Variants in OTULINL observed in about 807,000 individuals in gnomAD.
OTULINL encodes the protein inactive ubiquitin thioesterase OTULINL.
OTULINL carries 42 observed loss-of-function variants against 43.9 expected under a neutral mutation model. That is an observed-to-expected ratio of 0.96 (90% CI 0.75 to 1.24). The LOEUF (loss-of-function observed/expected upper bound fraction) is 1.24, where lower values mean the gene tolerates loss of function less well. Among genes scored for constraint, OTULINL ranks in the 50% most tolerant of loss-of-function variants. The pLI is 0.00. For synonymous variants in OTULINL, 172 were observed against 153.6 expected, an observed-to-expected ratio of 1.12 and a Z score of -0.88; for missense variants, 411 against 426.4, an observed-to-expected ratio of 0.96 and a Z score of 0.32.
intron 1 of OTULINL, 123 bp downstream of exon 1, chr5:14,582,081 T>G: frequency 3.4e-6 from 2 of 583,574 alleles, no homozygotes; most frequent in East Asian, 1.1e-4. Flanking sequence ...TGTTGGGGGC[T>G]GGGAATCCTG....
At chr5:14,598,666 A>T (rs1404395820) in intron 1 of OTULINL, among the ~76,000 whole-genome samples, 4 of 152,212 alleles carry the variant, frequency 2.6e-5, no homozygotes, top group Non-Finnish European at 4.4e-5. Flanking sequence ...AGCTGTGATC[A>T]TGCCACTGTG....
At chr5:14,588,317 AG>A (rs760109924) in intron 1 of OTULINL, among the ~76,000 whole-genome samples, 34 of 152,246 alleles carry the variant, frequency 2.2e-4, no homozygotes, top group Non-Finnish European at 3.8e-4. Flanking sequence ...GTTTGCTCAC[AG>A]GGGAGGAAGC....
At chr5:14,590,504 C>T (rs1359896401) in intron 1 of OTULINL, among the ~76,000 whole-genome samples, 1 of 152,174 alleles carries the variant, frequency 6.6e-6, no homozygotes, top group African/African-American at 2.4e-5. Context: ...CACTGGTCTC[C>T]CTTTAGGAGA....
chr5:14,589,663 G>A (rs1354381440), intron 1 of OTULINL, among the ~76,000 whole-genome samples: 1 of 152,180 alleles, frequency 6.6e-6, no homozygotes, highest in Non-Finnish European at 1.5e-5. Flanking sequence ...TAATTTCAGA[G>A]AAGTTGGCCA....
At chr5:14,603,697 T>TC (rs2126782203) in intron 5 of OTULINL, among the ~76,000 whole-genome samples, 1 of 152,314 alleles carries the variant, frequency 6.6e-6, no homozygotes, top group African/African-American at 2.4e-5. Context: ...TCTTGAGAGT[T>TC]CTTTATTCTG....
chr5:14,606,999 C>T (rs910275645), intron 5 of OTULINL, among the ~76,000 whole-genome samples: 3 of 152,136 alleles, frequency 2.0e-5, no homozygotes, highest in East Asian at 1.9e-4. Context: ...GAGGCCAAGG[C>T]GGGCAGATTG....
chr5:14,586,525 A>C lies in OTULINL; in HGVS notation c.64+4567A>C, dbSNP rs578199703. Reference sequence around the variant, plus strand: ...GCACATAAAATGCTATGCTTGATGAATCTCTAAATTAAGAATTTAATAGTA... The same window carrying C: ...GCACATAAAATGCTATGCTTGATGACTCTCTAAATTAAGAATTTAATAGTA... On this transcript the variant is annotated intron_variant, in intron 1 of 7. Transcript: ENST00000274217. Among the ~76,000 whole-genome samples, 14 of 152,362 alleles carry C rather than the reference A, an allele frequency of 9.2e-5. No homozygotes were observed. The South Asian group carries it at 1.9e-3, about 20-fold the overall frequency.
At chr5:14,604,641 A>C (rs549691640) in intron 5 of OTULINL, among the ~76,000 whole-genome samples, 1 of 152,350 alleles carries the variant, frequency 6.6e-6, no homozygotes, top group East Asian at 1.9e-4. Context: ...ACCTAGATGC[A>C]GTGGGGATAC....
intron 5 of OTULINL, among the ~76,000 whole-genome samples, chr5:14,602,718 G>A (rs1189121798): frequency 1.3e-5 from 2 of 152,166 alleles, no homozygotes; most frequent in Non-Finnish European, 2.9e-5. Context: ...TTATAGGTGT[G>A]AGCCATCATG....
intron 1 of OTULINL, among the ~76,000 whole-genome samples, chr5:14,586,471 G>A (rs1759102530): frequency 6.6e-6 from 1 of 152,092 alleles, no homozygotes; most frequent in Non-Finnish European, 1.5e-5. Flanking sequence ...GGGATTCCTA[G>A]GTAATAAACA....
rs1560970084 is a variant in OTULINL at position 14,611,650 on chromosome 5, A to G, written c.*1336A>G. 6.6e-6 allele frequency: 1 copy of G among 152,104 alleles called. No homozygotes were observed. Among genetic ancestry groups the G allele is most frequent in the Non-Finnish European group, 1.5e-5 (1 of 68,012 alleles). The allele number at this position is 152,104 out of a possible 1,614,324, so 9.4% of individuals were successfully genotyped here. A position where few individuals can be genotyped will look rare whatever the true frequency, so the allele number is the denominator to read the frequency against. On this transcript the variant is annotated 3_prime_UTR_variant, in exon 8 of 8. Coordinates refer to ENST00000274217, the MANE Select transcript of OTULINL (RefSeq NM_019018.3). The stretch of plus-strand genomic sequence containing the variant: ...GTAGCAACAGAAAACTAGTATTCTC[A>G]GGCTAGTTTTTGGTCGTCTTTATTT...
rs1759612746 is a variant in OTULINL at position 14,613,315 on chromosome 5, A to G, written c.*3001A>G. On this transcript the variant is annotated 3_prime_UTR_variant, in exon 8 of 8. Transcript: ENST00000274217. ...CCCTCAGAACTTTTTAAAATCTCCA[A>G]GACTGACTTTTTTTCAAAGCAGGCA... is the stretch of plus-strand genomic sequence containing the variant. Among the ~76,000 whole-genome samples the G allele has an allele frequency of 6.6e-6, 1 of 152,134 alleles. No homozygotes were observed. The highest frequency in any genetic ancestry group is 1.9e-4 in the East Asian group (1 of 5,194).
chr5:14,584,044 C>G (rs900262377), intron 1 of OTULINL, among the ~76,000 whole-genome samples: 1 of 152,176 alleles, frequency 6.6e-6, no homozygotes, highest in Non-Finnish European at 1.5e-5. Context: ...ATTGGAAGAT[C>G]ACTTAGTGGA....
chr5:14,594,240 T>C (rs1197033814), intron 1 of OTULINL, among the ~76,000 whole-genome samples: 2 of 152,226 alleles, frequency 1.3e-5, no homozygotes, highest in African/African-American at 4.8e-5. Context: ...TGAATCTCCA[T>C]GTGCTCCAAA....
chr5:14,581,836 C>A lies in OTULINL; in HGVS notation c.-59C>A. The A allele has an allele frequency of 7.7e-7, 1 of 1,298,598 alleles. No individual in the cohort carries two copies. The highest frequency in any genetic ancestry group is 2.0e-5 in the South Asian group (1 of 49,400). The allele number at this position is 1,298,598 out of a possible 1,614,324, so 80.4% of individuals were successfully genotyped here. On this transcript the variant is annotated 5_prime_UTR_variant, in exon 1 of 8. It adds an upstream start codon to the 5' untranslated region. Transcript: ENST00000274217. ...GGGCGCCGGCGGGCGGCCGTCGCGT[C>A]TGACAGACCACTGCAGACCACGGGC...
chr5:14,606,778 T>G (rs933078156), intron 5 of OTULINL, among the ~76,000 whole-genome samples: 16 of 152,248 alleles, frequency 1.1e-4, no homozygotes, highest in African/African-American at 3.6e-4. Flanking sequence ...TTGGTAACTA[T>G]TTTAACAAAA....
intron 7 of OTULINL, among the ~76,000 whole-genome samples, chr5:14,609,243 C>G (rs25961): frequency 0.93 from 142,373 of 152,302 alleles, 66,701 homozygotes; most frequent in African/African-American, 0.98. Flanking sequence ...CACCAATTCT[C>G]GGGGCCTTTC....
rs1311757231 is a variant in OTULINL, at chr5:14,615,859, T to C, written c.*5545T>C. Among the ~76,000 whole-genome samples the C allele has an allele frequency of 1.3e-5, 2 of 152,256 alleles. No individual in the cohort carries two copies. The highest frequency in any genetic ancestry group is 2.4e-5 in the African/African-American group (1 of 41,466). On this transcript the variant is annotated 3_prime_UTR_variant, in exon 8 of 8. Coordinates refer to ENST00000274217, the MANE Select transcript of OTULINL (RefSeq NM_019018.3). ...TAGTTGCAGTTGAGACCATTCCTCC[T>C]GTATGTCTTTACAAGCAAATTGAAA...
At chr5:14,604,770 G>T (rs1018928634) in intron 5 of OTULINL, among the ~76,000 whole-genome samples, 1 of 152,186 alleles carries the variant, frequency 6.6e-6, no homozygotes, top group East Asian at 1.9e-4. Flanking sequence ...GATCTCCTTC[G>T]ATTCTGTCTC....
Sources: gnomAD v4.1 joint callset for allele counts (sites outside exome capture counted in the v4.1 genomes callset) on GRCh38, gnomAD v4.1.1 for gene constraint, MANE v1.5 for transcripts, NCBI Gene and HGNC (gene_info 2026-07-23, HGNC 2026-07-21) for gene names.